Variants in COL9A1 observed in about 807,000 individuals in gnomAD.
The protein encoded by COL9A1 is collagen type IX alpha 1 chain, also known as collagen alpha-1(IX) chain.
COL9A1 carries 104 observed loss-of-function variants against 142.6 expected under a neutral mutation model. The ratio of observed to expected loss-of-function variants is 0.73; its 90% confidence interval spans 0.62 to 0.86. COL9A1 has a LOEUF of 0.86. Among genes scored for constraint, COL9A1 ranks in the 40% least tolerant of loss-of-function variants. The pLI is 0.00. For missense variants in COL9A1, 1,210 were observed against 1,176.6 expected, an observed-to-expected ratio of 1.03 and a Z score of -0.42; for synonymous variants, 466 against 396.0, an observed-to-expected ratio of 1.18 and a Z score of -2.10.
chr6:70,298,403 C>T (rs1022224531), intron 4 of COL9A1, among the ~76,000 whole-genome samples: 1 of 152,186 alleles, frequency 6.6e-6, no homozygotes, highest in Non-Finnish European at 1.5e-5. Flanking sequence ...TTCCACATGT[C>T]TGAGTCTCTA....
intron 7 of COL9A1, among the ~76,000 whole-genome samples, chr6:70,282,344 C>G (rs886604965): frequency 1.3e-5 from 2 of 149,306 alleles, no homozygotes; most frequent in African/African-American, 2.6e-5. Context: ...TATGCGCCCC[C>G]GCCGGGTCCT....
Position 70,300,340 on chromosome 6 carries a change from T to G in COL9A1, c.135A>C (p.Pro45=). Residue 45 remains proline (P), a synonymous_variant, in exon 3 of 38, where the codon CCA becomes CCC. Transcript: ENST00000357250. ...AGTCATCTTGGCCAATCCTGATCTT[T>G]GGACAGAGTTCATTTCCACCATTAG... ...SNSNGGNELC[P]KIRIGQDDLP... 2.5e-6 allele frequency: 4 copies of G among 1,613,828 alleles called. No homozygotes were observed. The highest frequency in any genetic ancestry group is 3.4e-6 in the Non-Finnish European group (4 of 1,179,836).
intron 18 of COL9A1, among the ~76,000 whole-genome samples, chr6:70,264,213 T>C (rs557323623): frequency 1.9e-3 from 282 of 152,152 alleles, no homozygotes; most frequent in Non-Finnish European, 3.0e-3. Flanking sequence ...TCTTATTTTT[T>C]AGATTTCCTA....
Position 70,242,037 on chromosome 6 carries a change from TG to T in COL9A1, c.1927-3del. On this transcript the variant is annotated splice_region_variant and splice_polypyrimidine_tract_variant and intron_variant, in intron 29 of 37. Transcript: ENST00000357250. ...GAGGCCAGGGCTACCCAGAGAACCCTGGAAAGCAAAAACAAAGTCCCCGGAG... is the reference window on the plus strand; with the variant it reads ...GAGGCCAGGGCTACCCAGAGAACCCTGAAAGCAAAAACAAAGTCCCCGGAG... 6.3e-7 allele frequency: 1 copy of T among 1,589,862 alleles called. No homozygotes were observed. Among genetic ancestry groups the T allele is most frequent in the South Asian group, 1.1e-5 (1 of 87,410 alleles).
At position 70,232,631 on chromosome 6, in the gene COL9A1, G is replaced by C; in HGVS notation, c.2455C>G (p.Pro819Ala). 1 of 1,614,106 alleles carries C rather than the reference G, an allele frequency of 6.2e-7. No individual in the cohort carries two copies. Among genetic ancestry groups the C allele is most frequent in the South Asian group, 1.1e-5 (1 of 91,082 alleles). The change falls in exon 36 of 38, where the codon CCG becomes GCG. Residue 819 changes from proline (P) to alanine (A), a missense_variant. Pro to Ala is a conservative substitution (Grantham distance 27). Transcript: ENST00000357250. The part of the protein sequence containing the change: ...FPGQMGIRGL[P>A]GIKGPPGALG... ...GCACCAGGGGGCCCCTTAATGCCCG[G>C]AAGGCCACGAATTCCCATCTGGCCT...
chr6:70,299,813 A>G (rs1773988346), intron 4 of COL9A1, among the ~76,000 whole-genome samples: 1 of 152,224 alleles, frequency 6.6e-6, no homozygotes. Flanking sequence ...GAATCAATGT[A>G]TAATAGTCTC....
At chr6:70,236,598 C>T (rs1434323743) in intron 33 of COL9A1, among the ~76,000 whole-genome samples, 1 of 152,184 alleles carries the variant, frequency 6.6e-6, no homozygotes, top group Non-Finnish European at 1.5e-5. Context: ...TGAAGCAATG[C>T]TTTTACTAGA....
At chr6:70,234,120 G>A (rs1446941382) in intron 35 of COL9A1, among the ~76,000 whole-genome samples, 1 of 152,164 alleles carries the variant, frequency 6.6e-6, no homozygotes, top group Non-Finnish European at 1.5e-5. Context: ...CATGGAGTCT[G>A]TCATTTACTT....
At chr6:70,286,438 T>C (rs1773453619) in intron 5 of COL9A1, among the ~76,000 whole-genome samples, 1 of 152,244 alleles carries the variant, frequency 6.6e-6, no homozygotes, top group African/African-American at 2.4e-5. Flanking sequence ...AGAATGTTAA[T>C]GGCTATGAAA....
intron 5 of COL9A1, among the ~76,000 whole-genome samples, chr6:70,288,596 A>G (rs1773543779): frequency 6.6e-6 from 1 of 152,074 alleles, no homozygotes; most frequent in Non-Finnish European, 1.5e-5. Flanking sequence ...TCCAACCTCA[A>G]TACTTCCTTT....
chr6:70,223,707 A>G (rs1385224743), intron 37 of COL9A1, among the ~76,000 whole-genome samples: 1 of 152,262 alleles, frequency 6.6e-6, no homozygotes, highest in Non-Finnish European at 1.5e-5. Flanking sequence ...ATCCACCAGC[A>G]GACCCCTCTT....
chr6:70,218,243 C>T (rs1768653298), intron 37 of COL9A1, among the ~76,000 whole-genome samples: 1 of 152,218 alleles, frequency 6.6e-6, no homozygotes, highest in African/African-American at 2.4e-5. Context: ...TTTTAGAAGG[C>T]TGTGCCATGT....
chr6:70,239,273 A>G lies in COL9A1; in HGVS notation c.2093T>C (p.Leu698Ser). Residue 698 changes from leucine (L) to serine (S), a missense_variant, in exon 33 of 38, where the codon TTA (leucine) becomes TCA (serine). Physicochemically the swap from Leu to Ser is moderately radical, Grantham distance 145. Transcript: ENST00000357250. Reference protein sequence around the residue: ...GERGELGDIGLPGPKGSAGNP... With the variant: ...GERGELGDIGSPGPKGSAGNP... Reference sequence around the variant, plus strand: ...ACTTACAGATCCCTTTGGGCCAGGTAATCCTATATCTCCCTAAATCAATAA... The same window carrying G: ...ACTTACAGATCCCTTTGGGCCAGGTGATCCTATATCTCCCTAAATCAATAA... The G allele has an allele frequency of 6.4e-7, 1 of 1,561,284 alleles. No homozygotes were observed. The highest frequency in any genetic ancestry group is 8.8e-7 in the Non-Finnish European group (1 of 1,132,212).
Position 70,294,203 on chromosome 6 carries a change from C to T in COL9A1, c.660G>A (p.Leu220=). ...CTTGAGGATTATCTGCAAGTTTTCC[C>T]AGCACAGCAAAGCCATCAATGTCAA... ...GPIDIDGFAV[L]GKLADNPQVS... Residue 220 remains leucine, a synonymous_variant, in exon 5 of 38, where the codon CTG becomes CTA. Transcript: ENST00000357250. The T allele has an allele frequency of 6.2e-7, 1 of 1,614,024 alleles. No individual in the cohort carries two copies. Among genetic ancestry groups the T allele is most frequent in the Non-Finnish European group, 8.5e-7 (1 of 1,179,936 alleles).
chr6:70,226,462 T>C (rs770698606), intron 36 of COL9A1, among the ~76,000 whole-genome samples: 10 of 152,100 alleles, frequency 6.6e-5, no homozygotes, highest in Non-Finnish European at 1.3e-4. Context: ...TTTCAGGAGA[T>C]ATGAATATAT....
chr6:70,270,347 T>C lies in COL9A1; in HGVS notation c.1164A>G (p.Gly388=). 6.2e-7 allele frequency: 1 copy of C among 1,613,772 alleles called. No individual in the cohort carries two copies. Among genetic ancestry groups the C allele is most frequent in the East Asian group, 2.2e-5 (1 of 44,862 alleles). ...VGPVGDPGRR[G]PPGPPGPPGP... ...CTGGGGGGCCAGGGGGGCCAGGTGG[T>C]CCTCTTCTCCCAGGGTCACCCTAAG... The change falls in exon 15 of 38, where the codon GGA becomes GGG. Residue 388 remains glycine, a synonymous_variant. Coordinates refer to ENST00000357250, the MANE Select transcript of COL9A1 (RefSeq NM_001851.6).
intron 32 of COL9A1, among the ~76,000 whole-genome samples, chr6:70,239,946 A>G (rs1386353583): frequency 6.6e-6 from 1 of 152,206 alleles, no homozygotes; most frequent in Admixed American, 6.5e-5. Flanking sequence ...TAGATGTTAT[A>G]TTTATATTAG....
Position 70,263,236 on chromosome 6 carries a change from T to A in COL9A1, c.1395+8A>T. 1 of 1,593,080 alleles carries A rather than the reference T, an allele frequency of 6.3e-7. No individual in the cohort carries two copies. The highest frequency in any genetic ancestry group is 8.6e-7 in the Non-Finnish European group (1 of 1,166,942). On this transcript the variant is annotated splice_region_variant and intron_variant, in intron 19 of 37. Coordinates refer to ENST00000357250, the MANE Select transcript of COL9A1 (RefSeq NM_001851.6). ...TCCTAGTTAAATATTTTTTAAAAAA[T>A]ACTTTACTGGAGGTCCTTGAGCTCC...
At chr6:70,246,901 G>A (rs548641377) in intron 28 of COL9A1, among the ~76,000 whole-genome samples, 1 of 152,252 alleles carries the variant, frequency 6.6e-6, no homozygotes, top group Admixed American at 6.5e-5. Context: ...CTCCGTGCCT[G>A]TTTCCTCATC....
Sources: gnomAD v4.1 joint callset for allele counts (sites outside exome capture counted in the v4.1 genomes callset) on GRCh38, gnomAD v4.1.1 for gene constraint, MANE v1.5 for transcripts, NCBI Gene and HGNC (gene_info 2026-07-23, HGNC 2026-07-21) for gene names.